TFDP2: variants seen among roughly 807,000 people sequenced by gnomAD.
TFDP2 encodes transcription factor Dp-2, also known as transcription factor Dp-2 (E2F dimerization partner 2).
In TFDP2, 17 loss-of-function variants were observed where a neutral mutation model predicts 59.3. The observed-to-expected ratio is 0.29, with a 90% CI of 0.20 to 0.43. The LOEUF is 0.43. Among genes scored for constraint, TFDP2 ranks in the 20% least tolerant of loss-of-function variants. The probability of loss-of-function intolerance (pLI) is 1.00; values close to 1 mark genes in which losing one functional copy is unlikely to be tolerated. For synonymous variants in TFDP2, 180 were observed against 194.7 expected, an observed-to-expected ratio of 0.92 and a Z score of 0.63; for missense variants, 391 against 528.8, an observed-to-expected ratio of 0.74 and a Z score of 2.56.
At chr3:142,027,814 T>C (rs1198060631) in intron 3 of TFDP2, among the ~76,000 whole-genome samples, 1 of 152,196 alleles carries the variant, frequency 6.6e-6, no homozygotes. Flanking sequence ...CAGATTCATA[T>C]AGCATCTTGT....
intron 8 of TFDP2, among the ~76,000 whole-genome samples, chr3:141,971,317 C>T (rs1262923807): frequency 2.1e-5 from 3 of 142,714 alleles, no homozygotes; most frequent in East Asian, 2.1e-4. Context: ...GTCAGGAGTT[C>T]GAGACCAGCC....
At chr3:142,019,938 T>C (rs1945459734) in intron 3 of TFDP2, among the ~76,000 whole-genome samples, 1 of 152,200 alleles carries the variant, frequency 6.6e-6, no homozygotes, top group Non-Finnish European at 1.5e-5. Flanking sequence ...AAGAATAAGC[T>C]GAGTCAGAAA....
intron 3 of TFDP2, among the ~76,000 whole-genome samples, chr3:142,005,897 A>G (rs1258235560): frequency 2.6e-5 from 4 of 151,758 alleles, no homozygotes; most frequent in Non-Finnish European, 5.9e-5. Context: ...AGAATTGAGA[A>G]AGAGATCTTT....
Position 142,095,040 on chromosome 3 carries a change from G to T in TFDP2, c.16-1913C>A, listed in dbSNP as rs1017301002. On this transcript the variant is annotated intron_variant, in intron 2 of 12. Transcript: ENST00000489671. The stretch of plus-strand genomic sequence containing the variant: ...AGTTTCGTTTTTGTTGCTCAGGCTG[G>T]AGTGCAGTGGCACAATCTCGGCTTA... Among the ~76,000 whole-genome samples the T allele has an allele frequency of 2.6e-5, 4 of 151,528 alleles. No individual in the cohort carries two copies. The South Asian group carries it at 8.3e-4, about 32-fold the overall frequency.
At position 141,965,593 on chromosome 3, in the gene TFDP2, G is replaced by GAAGGAAAGGA. The variant is rs372030999; in HGVS notation, c.733-1640_733-1631dup. Among the ~76,000 whole-genome samples, 810 of 145,254 alleles carry GAAGGAAAGGA rather than the reference G, an allele frequency of 5.6e-3. 5 individuals are homozygous for GAAGGAAAGGA. Among genetic ancestry groups the GAAGGAAAGGA allele is most frequent in the African/African-American group, 7.2e-3 (275 of 38,252 alleles). ...GGGAAGGGGAAGGGGAAGGAAAGGGGAAGGAAAGGAAAGGAAAGGAAAGGA... is the reference window on the plus strand; with the variant it reads ...GGGAAGGGGAAGGGGAAGGAAAGGGGAAGGAAAGGAAAGGAAAGGAAAGGAAAGGAAAGGA... On this transcript the variant is annotated intron_variant, in intron 9 of 12. Transcript: ENST00000489671.
At chr3:142,124,041 G>GA (rs1022133080) in intron 1 of TFDP2, among the ~76,000 whole-genome samples, 19 of 151,388 alleles carry the variant, frequency 1.3e-4, no homozygotes, top group African/African-American at 3.4e-4. Context: ...CATTTACATA[G>GA]AAAAAAACAA....
intron 3 of TFDP2, among the ~76,000 whole-genome samples, chr3:142,012,493 T>C (rs1276492111): frequency 6.6e-6 from 1 of 152,164 alleles, no homozygotes; most frequent in African/African-American, 2.4e-5. Flanking sequence ...ATTCTACATG[T>C]CCTGGGATTG....
intron 6 of TFDP2, among the ~76,000 whole-genome samples, chr3:141,985,308 C>T (rs965599804): frequency 2.0e-5 from 3 of 151,956 alleles, no homozygotes; most frequent in Admixed American, 6.6e-5. Context: ...GCAGGCAGAT[C>T]GCCTGAGCCC....
intron 6 of TFDP2, among the ~76,000 whole-genome samples, chr3:141,983,910 CA>C (rs1274760910): frequency 3.3e-5 from 5 of 152,066 alleles, no homozygotes; most frequent in Admixed American, 6.6e-5. Flanking sequence ...GGCAATTTCT[CA>C]AAAAAAGTAA....
Position 142,061,900 on chromosome 3 carries a change from A to G in TFDP2, c.82+31161T>C, listed in dbSNP as rs1327057127. Among the ~76,000 whole-genome samples, 15 of 104,338 alleles carry G rather than the reference A, an allele frequency of 1.4e-4. 1 individual carries two copies. In the South Asian group the frequency reaches 2.8e-3, roughly 19 times the overall value. 68.4% of individuals were successfully genotyped at this position (104,338 alleles called of 152,430 possible). ...TCTCTCTCTCTCTCTACACACACAC[A>G]CACACACACACACACACACACACAC... is the stretch of plus-strand genomic sequence containing the variant. On this transcript the variant is annotated intron_variant, in intron 3 of 12. Coordinates refer to ENST00000489671, the MANE Select transcript of TFDP2 (RefSeq NM_001178139.2).
chr3:142,133,511 G>T (rs1007396199), intron 1 of TFDP2, among the ~76,000 whole-genome samples: 4 of 149,492 alleles, frequency 2.7e-5, no homozygotes, highest in Non-Finnish European at 4.4e-5. Context: ...AGGCCCAAAA[G>T]CAGTTTGTTT....
chr3:142,126,107 A>G (rs2062235428), intron 1 of TFDP2: 1 of 152,120 alleles, frequency 6.6e-6, no homozygotes, highest in African/African-American at 2.4e-5. Flanking sequence ...AAACAACACC[A>G]AATCCACTAA....
At chr3:142,033,620 C>T (rs1420833148) in intron 3 of TFDP2, among the ~76,000 whole-genome samples, 1 of 152,106 alleles carries the variant, frequency 6.6e-6, no homozygotes, top group Admixed American at 6.5e-5. Context: ...TCACTAAAGC[C>T]CCCACAAGTT....
rs576083511 is a variant in TFDP2, at chr3:142,117,151, C to T, written c.-92-15310G>A. Among the ~76,000 whole-genome samples, 30 of 152,218 alleles carry T rather than the reference C, an allele frequency of 2.0e-4. No homozygotes were observed. The East Asian group carries it at 5.4e-3, about 27-fold the overall frequency. Reference sequence around the variant, plus strand: ...AGCCAAGCTGGTCTCGAACTCCTGACCTCAAGTGATCTGCCCGCCTCCACC... The same window carrying T: ...AGCCAAGCTGGTCTCGAACTCCTGATCTCAAGTGATCTGCCCGCCTCCACC... On this transcript the variant is annotated intron_variant, in intron 1 of 12. Coordinates refer to ENST00000489671, the MANE Select transcript of TFDP2 (RefSeq NM_001178139.2).
chr3:141,967,173 C>T (rs1048899731), intron 9 of TFDP2, among the ~76,000 whole-genome samples: 2 of 151,572 alleles, frequency 1.3e-5, no homozygotes, highest in Non-Finnish European at 2.9e-5. Context: ...CCTCGGCCTC[C>T]CCAAGTGCTG....
In TFDP2 at chr3:142,101,650, T is replaced by C. The variant is rs188380836; in HGVS notation, c.15+85A>G. 16 of 882,698 alleles carry C rather than the reference T, an allele frequency of 1.8e-5. No homozygotes were observed. In the East Asian group the frequency reaches 4.1e-4, roughly 22 times the overall value. The allele number at this position is 882,698 out of a possible 1,614,324, so 54.7% of individuals were successfully genotyped here. A position where few individuals can be genotyped will look rare whatever the true frequency, so the allele number is the denominator to read the frequency against. ...ATCCATGCAAGTAAATTAAATCTGG[T>C]TAACCAGAATGGTGAGAAAATATGT... On this transcript the variant is annotated intron_variant, in intron 2 of 12. Transcript: ENST00000489671.
intron 4 of TFDP2, among the ~76,000 whole-genome samples, chr3:141,996,275 A>G (rs1179167432): frequency 6.6e-6 from 1 of 152,224 alleles, no homozygotes; most frequent in Non-Finnish European, 1.5e-5. Context: ...TTCATGTAAA[A>G]AAAGGGGAAG....
intron 1 of TFDP2, among the ~76,000 whole-genome samples, chr3:142,145,854 T>C (rs2063153297): frequency 1.3e-5 from 2 of 152,262 alleles, no homozygotes; most frequent in East Asian, 1.9e-4. Context: ...ATATAAAATC[T>C]GGGTTTTAGT....
At chr3:142,081,937 C>T (rs772999019) in intron 3 of TFDP2, among the ~76,000 whole-genome samples, 1 of 152,194 alleles carries the variant, frequency 6.6e-6, no homozygotes, top group Admixed American at 6.5e-5. Context: ...TCAAACTATT[C>T]CAAAAAGTAC....
Sources: gnomAD v4.1 joint callset for allele counts (sites outside exome capture counted in the v4.1 genomes callset) on GRCh38, gnomAD v4.1.1 for gene constraint, MANE v1.5 for transcripts, NCBI Gene and HGNC (gene_info 2026-07-23, HGNC 2026-07-21) for gene names.